EFR3B: variants seen among roughly 807,000 people sequenced by gnomAD.
EFR3B encodes the protein protein EFR3 homolog B.
EFR3B carries 64 observed loss-of-function variants against 104.7 expected under a neutral mutation model. The observed-to-expected ratio is 0.61, with a 90% CI of 0.50 to 0.75. The LOEUF is 0.75. Ranked by LOEUF, EFR3B falls within the 30% of genes least tolerant of loss-of-function variation. The pLI, the probability that EFR3B is intolerant of heterozygous loss-of-function variation, is 0.00. For synonymous variants in EFR3B, 385 were observed against 417.9 expected, an observed-to-expected ratio of 0.92 and a Z score of 0.96; for missense variants, 750 against 1,078.5, an observed-to-expected ratio of 0.70 and a Z score of 4.27.
In EFR3B at chr2:25,122,728, C is replaced by T. The variant is rs113356691; in HGVS notation, c.485+934C>T. Among the ~76,000 whole-genome samples, 51 of 152,182 alleles carry T rather than the reference C, an allele frequency of 3.4e-4. 1 individual carries two copies. The highest frequency in any genetic ancestry group is 9.6e-4 in the African/African-American group (40 of 41,532). ...TGCCCTGCACACCCCCACATGCCCA[C>T]TCCTCCCTCACTCTGCCGGGGTTTC... is the stretch of plus-strand genomic sequence containing the variant. On this transcript the variant is annotated intron_variant, in intron 5 of 22. Coordinates refer to ENST00000403714, the MANE Select transcript of EFR3B (RefSeq NM_014971.2).
intron 15 of EFR3B, among the ~76,000 whole-genome samples, chr2:25,138,723 G>T (rs1670584922): frequency 6.6e-6 from 1 of 152,180 alleles, no homozygotes; most frequent in South Asian, 2.1e-4. Flanking sequence ...CTATAGTGAA[G>T]GAGACAGCAC....
chr2:25,139,512 C>T (rs1362909348), intron 16 of EFR3B, among the ~76,000 whole-genome samples: 1 of 151,434 alleles, frequency 6.6e-6, no homozygotes, highest in Non-Finnish European at 1.5e-5. Flanking sequence ...ATCATGCAGA[C>T]TACAGCTATG....
intron 16 of EFR3B, among the ~76,000 whole-genome samples, chr2:25,140,721 C>T (rs1670638640): frequency 6.6e-6 from 1 of 152,138 alleles, no homozygotes. Flanking sequence ...GTGTGAACTA[C>T]ATTCCTTTGT....
At chr2:25,109,402 G>A (rs1315478612) in intron 4 of EFR3B, among the ~76,000 whole-genome samples, 1 of 152,178 alleles carries the variant, frequency 6.6e-6, no homozygotes, top group African/African-American at 2.4e-5. Context: ...TGTGGAAACC[G>A]GAACCATCAT....
intron 1 of EFR3B, among the ~76,000 whole-genome samples, chr2:25,053,648 C>T (rs1667942595): frequency 6.6e-6 from 1 of 152,060 alleles, no homozygotes; most frequent in Non-Finnish European, 1.5e-5. Context: ...CTCACGCCTG[C>T]AATCCAAGCA....
chr2:25,131,550 T>C lies in EFR3B; in HGVS notation c.985+47T>C. ...TGAGGGCCGGGGACCCCGCGGAGGC[T>C]GCCGCCTCTTACAGAGAGAGGCAAG... On this transcript the variant is annotated intron_variant, in intron 9 of 22. Coordinates refer to ENST00000403714, the MANE Select transcript of EFR3B (RefSeq NM_014971.2). The surrounding 1 kb of genome is among the most constrained non-coding windows in gnomAD (Gnocchi z 7.6). The C allele has an allele frequency of 1.3e-6, 2 of 1,543,738 alleles. No homozygotes were observed. Among genetic ancestry groups the C allele is most frequent in the Non-Finnish European group, 1.7e-6 (2 of 1,143,694 alleles).
rs916323510 is a variant in EFR3B at position 25,137,078 on chromosome 2, G to A, written c.1561-263G>A. Among the ~76,000 whole-genome samples, 4 of 152,120 alleles carry A rather than the reference G, an allele frequency of 2.6e-5. No homozygotes were observed. Among genetic ancestry groups the A allele is most frequent in the Non-Finnish European group, 5.9e-5 (4 of 68,020 alleles). ...GCCCAGAGTGATGAGCCAGTCCAGGGCCAGTGACTGTGTTCTGCTCCTACA... is the reference window on the plus strand; with the variant it reads ...GCCCAGAGTGATGAGCCAGTCCAGGACCAGTGACTGTGTTCTGCTCCTACA... On this transcript the variant is annotated intron_variant, in intron 14 of 22. Transcript: ENST00000403714. This position sits in a 1 kb window ranked among gnomAD's most constrained non-coding sequence, Gnocchi z 4.7.
At chr2:25,081,190 C>A in intron 1 of EFR3B, 2 of 772,620 alleles carry the variant, frequency 2.6e-6, no homozygotes, top group South Asian at 3.0e-5. Flanking sequence ...AACTTTTTCC[C>A]AATCATTTCT....
chr2:25,066,237 C>A (rs963226061), intron 1 of EFR3B, among the ~76,000 whole-genome samples: 1 of 152,154 alleles, frequency 6.6e-6, no homozygotes, highest in African/African-American at 2.4e-5. Flanking sequence ...TTCTTAGTGG[C>A]CTCCTGGGAG....
In EFR3B at chr2:25,141,405, C is replaced by T; in HGVS notation, c.1894C>T (p.Pro632Ser). The T allele has an allele frequency of 6.4e-7, 1 of 1,551,470 alleles. No homozygotes were observed. Among genetic ancestry groups the T allele is most frequent in the Non-Finnish European group, 8.7e-7 (1 of 1,146,870 alleles). ...TRKKEAPYML[P>S]EDVFVERPRL... The stretch of plus-strand genomic sequence containing the variant: ...GAAGAAAGAGGCTCCATACATGCTC[C>T]CCGAGGATGTGTTTGTGGAGAGGCC... Residue 632 changes from proline (P) to serine (S), a missense_variant, in exon 17 of 23, where the codon CCC becomes TCC. Physicochemically the swap from Pro to Ser is moderately conservative, Grantham distance 74. Coordinates refer to ENST00000403714, the MANE Select transcript of EFR3B (RefSeq NM_014971.2).
At position 25,103,726 on chromosome 2, in the gene EFR3B, A is replaced by G; in HGVS notation, c.302A>G (p.Lys101Arg). The G allele has an allele frequency of 6.4e-7, 1 of 1,551,768 alleles. No homozygotes were observed. Among genetic ancestry groups the G allele is most frequent in the Non-Finnish European group, 8.7e-7 (1 of 1,146,992 alleles). The change falls in exon 4 of 23, where the codon AAG (lysine) becomes AGG (arginine). Residue 101 changes from lysine to arginine, a missense_variant. By Grantham distance (26) the Lys-to-Arg change is conservative (BLOSUM62 2). Transcript: ENST00000403714. The part of the protein sequence containing the change: ...SINLFVESFL[K>R]MVAKLLESEK... Reference sequence around the variant, plus strand: ...AACCTCTTCGTGGAGAGCTTCCTCAAGATGGTGGCCAAGCTGCTGGAGTCA... The same window carrying G: ...AACCTCTTCGTGGAGAGCTTCCTCAGGATGGTGGCCAAGCTGCTGGAGTCA...
chr2:25,048,568 G>T (rs1188393193), intron 1 of EFR3B, among the ~76,000 whole-genome samples: 1 of 152,102 alleles, frequency 6.6e-6, no homozygotes. Flanking sequence ...ATTGGTCAAG[G>T]TATATAAACA....
intron 20 of EFR3B, among the ~76,000 whole-genome samples, 198 bp from the exon 21 acceptor site, chr2:25,151,716 C>A (rs1671014596): frequency 6.6e-6 from 1 of 152,228 alleles, no homozygotes; most frequent in Non-Finnish European, 1.5e-5. Flanking sequence ...AGGAAGAAGG[C>A]TGAGCCCTCA....
chr2:25,121,328 A>G (rs1308411895), intron 4 of EFR3B, among the ~76,000 whole-genome samples: 1 of 152,152 alleles, frequency 6.6e-6, no homozygotes, highest in Non-Finnish European at 1.5e-5. Flanking sequence ...CAGGTTCCGT[A>G]TTATTCCTAA....
intron 1 of EFR3B, among the ~76,000 whole-genome samples, chr2:25,062,660 A>C (rs1438947044): frequency 6.6e-6 from 1 of 152,224 alleles, no homozygotes; most frequent in African/African-American, 2.4e-5. Context: ...TTACGTGCCG[A>C]GTAGCAAGCA....
At chr2:25,077,109 T>C (rs1668650702) in intron 1 of EFR3B, among the ~76,000 whole-genome samples, 1 of 152,222 alleles carries the variant, frequency 6.6e-6, no homozygotes. Context: ...TACTGTTTGA[T>C]TTCCTTAGCA....
intron 1 of EFR3B, among the ~76,000 whole-genome samples, chr2:25,055,357 G>A (rs992116020): frequency 6.6e-6 from 1 of 152,156 alleles, no homozygotes; most frequent in African/African-American, 2.4e-5. Context: ...TGGGTTATAC[G>A]AGTCCCTCAC....
At chr2:25,111,789 G>T (rs1475026884) in intron 4 of EFR3B, among the ~76,000 whole-genome samples, 2 of 152,216 alleles carry the variant, frequency 1.3e-5, no homozygotes, top group African/African-American at 2.4e-5. Flanking sequence ...TGGCTTTGAA[G>T]ATAGAGAAGG....
chr2:25,054,735 G>A (rs750440734), intron 1 of EFR3B, among the ~76,000 whole-genome samples: 3 of 152,164 alleles, frequency 2.0e-5, no homozygotes, highest in Non-Finnish European at 2.9e-5. Flanking sequence ...CCTTAGAAGG[G>A]TCTGGTTAGT....
Sources: gnomAD v4.1 joint callset for allele counts (sites outside exome capture counted in the v4.1 genomes callset) on GRCh38, gnomAD v4.1.1 for gene constraint, Gnocchi (gnomAD v3.1) non-coding constraint, MANE v1.5 for transcripts, NCBI Gene and HGNC (gene_info 2026-07-23, HGNC 2026-07-21) for gene names.